Variants in RAD21L1 observed in about 807,000 individuals in gnomAD.
The protein encoded by RAD21L1 is double-strand-break repair protein rad21-like protein 1.
In RAD21L1, 47 loss-of-function variants were observed where a neutral mutation model predicts 69.0. That is an observed-to-expected ratio of 0.68 (90% confidence interval 0.54 to 0.87). The LOEUF is 0.87. Among genes scored for constraint, RAD21L1 ranks in the 40% least tolerant of loss-of-function variants. RAD21L1 has a pLI of 0.00. For synonymous variants in RAD21L1, 177 were observed against 205.8 expected, an observed-to-expected ratio of 0.86 and a Z score of 1.20; for missense variants, 583 against 647.6, an observed-to-expected ratio of 0.90 and a Z score of 1.08.
In RAD21L1 at chr20:1,240,402, A is replaced by G; in HGVS notation, c.824A>G (p.Glu275Gly). ...NETILLSTEEEGFTLDPIDIS... is the reference protein window; with the variant it reads ...NETILLSTEEGGFTLDPIDIS... ...ACAATATTATTATCAACTGAAGAGG[A>G]AGGATTTACCCTTGATCCAATTGAT... Residue 275 changes from glutamate (E) to glycine (G), a missense_variant, in exon 8 of 14, where the codon GAA becomes GGA. By Grantham distance (98) the Glu-to-Gly change is moderately conservative. Coordinates refer to ENST00000683101, the MANE Select transcript of RAD21L1 (RefSeq NM_001384355.1). 3 of 1,549,538 alleles carry G rather than the reference A, an allele frequency of 1.9e-6. No individual in the cohort carries two copies. The highest frequency in any genetic ancestry group is 2.6e-6 in the Non-Finnish European group (3 of 1,146,040).
intron 7 of RAD21L1, among the ~76,000 whole-genome samples, chr20:1,239,805 C>T (rs990941313): frequency 6.6e-6 from 1 of 152,060 alleles, no homozygotes; most frequent in Non-Finnish European, 1.5e-5. Flanking sequence ...GTATTTTAGT[C>T]TGATTTTTCT....
At chr20:1,227,935 C>G (rs1371117315) in intron 1 of RAD21L1, among the ~76,000 whole-genome samples, 1 of 152,128 alleles carries the variant, frequency 6.6e-6, no homozygotes, top group Non-Finnish European at 1.5e-5. Context: ...ACCAGAGTAT[C>G]TTGAAGAGGG....
At position 1,229,882 on chromosome 20, in the gene RAD21L1, G is replaced by GA. The variant is rs2087355340; in HGVS notation, c.151dup (p.Ile51AsnfsTer18). 1.9e-6 allele frequency: 3 copies of GA among 1,546,780 alleles called. No individual in the cohort carries two copies. In the East Asian group the frequency reaches 7.4e-5, roughly 38 times the overall value. ...AATACTTCAAAAATTATTGAAAGGT[G>GA]AAAATAGCACTTCGAACTTCAGGAC... On this transcript the variant is annotated frameshift_variant, in exon 3 of 14. Coordinates refer to ENST00000683101, the MANE Select transcript of RAD21L1 (RefSeq NM_001384355.1). LOFTEE classifies it high-confidence loss of function.
rs376326106 is a variant in RAD21L1 at position 1,246,162 on chromosome 20, C to T, written c.1309-51C>T. The T allele has an allele frequency of 5.4e-4, 501 of 936,290 alleles. 2 individuals are homozygous for T. In the African/African-American group the frequency reaches 7.8e-3, roughly 15 times the overall value. 58.0% of individuals were successfully genotyped at this position (936,290 alleles called of 1,614,324 possible). A position where few individuals can be genotyped will look rare whatever the true frequency, so the allele number is the denominator to read the frequency against. Reference sequence around the variant, plus strand: ...AGCATTTAATAAAATTAGATTGTTCCTGTATAACCACTGGCAGATTTACCT... The same window carrying T: ...AGCATTTAATAAAATTAGATTGTTCTTGTATAACCACTGGCAGATTTACCT... On this transcript the variant is annotated intron_variant, in intron 11 of 13. Coordinates refer to ENST00000683101, the MANE Select transcript of RAD21L1 (RefSeq NM_001384355.1). The surrounding 1 kb of genome is among the most constrained non-coding windows in gnomAD (Gnocchi z 4.6).
At chr20:1,227,275 A>T (rs1021690871) in intron 1 of RAD21L1, among the ~76,000 whole-genome samples, 2 of 152,270 alleles carry the variant, frequency 1.3e-5, no homozygotes, top group African/African-American at 4.8e-5. Flanking sequence ...ATAGGAATTT[A>T]TTCCGAGAGA....
intron 5 of RAD21L1, among the ~76,000 whole-genome samples, chr20:1,237,513 C>CT (rs11087027): frequency 0.57 from 82,432 of 145,532 alleles, 23,839 homozygotes; most frequent in African/African-American, 0.72. Flanking sequence ...CTGGGTTTGT[C>CT]TTTTTTTTTT....
In RAD21L1 at chr20:1,248,611, C is replaced by G. The variant is rs1250545992; in HGVS notation, c.1402-15C>G. On this transcript the variant is annotated splice_polypyrimidine_tract_variant and intron_variant, in intron 12 of 13. Coordinates refer to ENST00000683101, the MANE Select transcript of RAD21L1 (RefSeq NM_001384355.1). ...AATTTGCTTAAATTAAATATTTTAT[C>G]TATCATTCAAACAGGAGTCATTGAG... is the stretch of plus-strand genomic sequence containing the variant. 6.9e-7 allele frequency: 1 copy of G among 1,449,446 alleles called. No individual in the cohort carries two copies. Among genetic ancestry groups the G allele is most frequent in the East Asian group, 2.5e-5 (1 of 39,632 alleles). The allele number at this position is 1,449,446 out of a possible 1,614,324, so 89.8% of individuals were successfully genotyped here.
intron 8 of RAD21L1, among the ~76,000 whole-genome samples, chr20:1,240,911 A>G (rs1354609952): frequency 2.0e-5 from 3 of 152,226 alleles, no homozygotes; most frequent in African/African-American, 7.2e-5. Context: ...CTGCAGCAGC[A>G]GTTACGGTGC....
intron 5 of RAD21L1, among the ~76,000 whole-genome samples, chr20:1,236,146 T>C (rs1472327558): frequency 6.6e-6 from 1 of 152,170 alleles, no homozygotes; most frequent in East Asian, 1.9e-4. Flanking sequence ...TTTTTAATTC[T>C]GAAATGTCTC....
intron 4 of RAD21L1, among the ~76,000 whole-genome samples, chr20:1,233,832 G>A (rs2087442491): frequency 6.6e-6 from 1 of 152,046 alleles, no homozygotes; most frequent in South Asian, 2.1e-4. Flanking sequence ...CAAACATTTA[G>A]GCCATAGCAA....
chr20:1,226,441 A>C (rs1174583281), intron 1 of RAD21L1: 1 of 152,096 alleles, frequency 6.6e-6, no homozygotes, highest in East Asian at 1.9e-4. Flanking sequence ...TCTGTGGAGG[A>C]GCCTTTGGCG....
At chr20:1,230,095 A>T in intron 3 of RAD21L1, 86 bp downstream of exon 3, 1 of 942,898 alleles carries the variant, frequency 1.1e-6, no homozygotes, top group Non-Finnish European at 1.5e-6. Flanking sequence ...ACTTCAGGCT[A>T]GTATGGTGAA....
chr20:1,247,343 T>C (rs1408382712), intron 12 of RAD21L1, among the ~76,000 whole-genome samples: 1 of 152,188 alleles, frequency 6.6e-6, no homozygotes, highest in Non-Finnish European at 1.5e-5. Context: ...AGTTTAGTTG[T>C]GCATTATAGA....
chr20:1,251,720 C>T (rs203530), intron 13 of RAD21L1, among the ~76,000 whole-genome samples: 1,825 of 152,032 alleles, frequency 0.012, 36 homozygotes, highest in African/African-American at 0.042. Flanking sequence ...ACTTTGTCTT[C>T]TAGACTTTAC....
At chr20:1,230,662 C>G in intron 3 of RAD21L1, 1 of 356,704 alleles carries the variant, frequency 2.8e-6, no homozygotes, top group Non-Finnish European at 3.9e-6. Context: ...GTCTCAGTGC[C>G]TTGCACATAC....
intron 1 of RAD21L1, among the ~76,000 whole-genome samples, chr20:1,228,120 A>T (rs1465901463): frequency 1.3e-5 from 2 of 152,160 alleles, no homozygotes; most frequent in East Asian, 3.8e-4. Flanking sequence ...TGACCATGTT[A>T]GTAAGAAGAG....
At chr20:1,251,596 G>A (rs181134810) in intron 13 of RAD21L1, among the ~76,000 whole-genome samples, 4 of 151,902 alleles carry the variant, frequency 2.6e-5, no homozygotes, top group Admixed American at 2.0e-4. Context: ...TTCCTGAAGG[G>A]CCAGTGGGTC....
At position 1,238,121 on chromosome 20, in the gene RAD21L1, G is replaced by A. The variant is rs2087536984; in HGVS notation, c.553G>A (p.Glu185Lys). The change falls in exon 6 of 14, where the codon GAA (glutamate) becomes AAA (lysine). Residue 185 changes from glutamate (E) to lysine (K), a missense_variant. Transcript: ENST00000683101. ...ACTGAATTCCAGTGGTCCTTTAATTGAACATAGTTCTGGAAGCCTCACTGG... is the reference window on the plus strand; with the variant it reads ...ACTGAATTCCAGTGGTCCTTTAATTAAACATAGTTCTGGAAGCCTCACTGG... Reference protein sequence around the residue: ...ILLNSSGPLIEHSSGSLTGER... With the variant: ...ILLNSSGPLIKHSSGSLTGER... 6.5e-7 allele frequency: 1 copy of A among 1,543,548 alleles called. No homozygotes were observed. The highest frequency in any genetic ancestry group is 1.2e-5 in the South Asian group (1 of 82,888).
intron 4 of RAD21L1, among the ~76,000 whole-genome samples, chr20:1,232,070 A>G (rs2087402151): frequency 6.6e-6 from 1 of 152,218 alleles, no homozygotes; most frequent in Non-Finnish European, 1.5e-5. Flanking sequence ...TGAAAAGGTA[A>G]GAACAAATCT....
Sources: gnomAD v4.1 joint callset for allele counts (sites outside exome capture counted in the v4.1 genomes callset) on GRCh38, gnomAD v4.1.1 for gene constraint, Gnocchi (gnomAD v3.1) non-coding constraint, MANE v1.5 for transcripts, NCBI Gene and HGNC (gene_info 2026-07-23, HGNC 2026-07-21) for gene names.